The following CPAMD8 variants were observed in gnomAD, a reference collection of about 807,000 sequenced individuals.
CPAMD8 encodes the protein C3 and PZP-like alpha-2-macroglobulin domain-containing protein 8.
Under a neutral mutation model 224.7 loss-of-function variants are expected in CPAMD8, and 146 were observed. The observed-to-expected ratio is 0.65, with a 90% CI of 0.57 to 0.75. The LOEUF is 0.75. Ranked by LOEUF, CPAMD8 falls within the 30% of genes least tolerant of loss-of-function variation. The pLI, the probability that CPAMD8 is intolerant of heterozygous loss-of-function variation, is 0.00. For synonymous variants in CPAMD8, 966 were observed against 1,044.6 expected, an observed-to-expected ratio of 0.92 and a Z score of 1.45; for missense variants, 2,301 against 2,537.5, an observed-to-expected ratio of 0.91 and a Z score of 2.00.
At chr19:16,989,572 C>A in intron 13 of CPAMD8, 71 bp downstream of exon 13, 1 of 1,555,900 alleles carries the variant, frequency 6.4e-7, no homozygotes, top group South Asian at 1.2e-5. Flanking sequence ...CAGGCATGAG[C>A]CACAGCACCT....
intron 7 of CPAMD8, among the ~76,000 whole-genome samples, chr19:17,005,708 C>T (rs1284315741): frequency 6.6e-6 from 1 of 152,102 alleles, no homozygotes; most frequent in Non-Finnish European, 1.5e-5. Flanking sequence ...CTGGGTCTCA[C>T]GACAGAACCG....
intron 22 of CPAMD8, among the ~76,000 whole-genome samples, chr19:16,942,397 G>A (rs1362611227): frequency 6.6e-6 from 1 of 152,126 alleles, no homozygotes; most frequent in Non-Finnish European, 1.5e-5. Context: ...GGGAGGTGGA[G>A]GTTGCAGTGA....
intron 23 of CPAMD8, among the ~76,000 whole-genome samples, chr19:16,937,897 C>T (rs1373416158): frequency 6.6e-6 from 1 of 152,168 alleles, no homozygotes; most frequent in Non-Finnish European, 1.5e-5. Flanking sequence ...TTGTGATCCA[C>T]CCGCCTCGGC....
chr19:16,941,937 C>T (rs1179984885), intron 22 of CPAMD8, among the ~76,000 whole-genome samples: 1 of 152,164 alleles, frequency 6.6e-6, no homozygotes, highest in African/African-American at 2.4e-5. Flanking sequence ...CATGCCATTG[C>T]ACTCCAGCGT....
Position 16,901,283 on chromosome 19 carries a change from C to T in CPAMD8, c.4700G>A (p.Gly1567Glu). 1.9e-6 allele frequency: 3 copies of T among 1,611,760 alleles called. No individual in the cohort carries two copies. The highest frequency in any genetic ancestry group is 2.2e-5 in the South Asian group (2 of 90,708). Residue 1567 changes from glycine to glutamate, a missense_variant, in exon 36 of 42, where the codon GGG (glycine) becomes GAG (glutamate). This residue lies in a region of CPAMD8 where 1,709 missense variants were observed against 1,753.2 expected (regional missense o/e 0.97). Transcript: ENST00000443236. Reference sequence around the variant, plus strand: ...CTCCAGGACAGCCATATTGGAAGACCCTGCATGCAGCCACCTTCCAACAAC... The same window carrying T: ...CTCCAGGACAGCCATATTGGAAGACTCTGCATGCAGCCACCTTCCAACAAC... ...LEVCTRWLHAGSSNMAVLEVP... is the reference protein window; with the variant it reads ...LEVCTRWLHAESSNMAVLEVP...
At chr19:16,927,135 T>C (rs899150857) in intron 25 of CPAMD8, among the ~76,000 whole-genome samples, 10 of 152,092 alleles carry the variant, frequency 6.6e-5, no homozygotes, top group Admixed American at 2.0e-4. Context: ...CTGATATGGA[T>C]TGGCTGTGTC....
At chr19:16,979,390 C>CCATCCATT (rs1429226690) in intron 14 of CPAMD8, among the ~76,000 whole-genome samples, 1 of 148,428 alleles carries the variant, frequency 6.7e-6, no homozygotes, top group Non-Finnish European at 1.5e-5. Flanking sequence ...GTCCATTCAT[C>CCATCCATT]CATCCATCCA....
intron 13 of CPAMD8, among the ~76,000 whole-genome samples, chr19:16,983,199 T>A (rs1177195967): frequency 6.6e-6 from 1 of 152,094 alleles, no homozygotes; most frequent in Non-Finnish European, 1.5e-5. Flanking sequence ...GGTCAGGAGT[T>A]CAACACCAGC....
intron 18 of CPAMD8, among the ~76,000 whole-genome samples, chr19:16,966,594 C>A (rs546198610): frequency 6.6e-6 from 1 of 152,204 alleles, no homozygotes; most frequent in South Asian, 2.1e-4. Context: ...ATCTACCCAT[C>A]GGACAAAGCG....
chr19:16,958,852 T>A (rs1016471447), intron 18 of CPAMD8, among the ~76,000 whole-genome samples: 1 of 150,664 alleles, frequency 6.6e-6, no homozygotes, highest in African/African-American at 2.4e-5. Flanking sequence ...CAGGCTGGAG[T>A]GCAATGGCAC....
At chr19:16,946,781 G>T (rs2054115441) in intron 21 of CPAMD8, among the ~76,000 whole-genome samples, 1 of 152,020 alleles carries the variant, frequency 6.6e-6, no homozygotes, top group Non-Finnish European at 1.5e-5. Context: ...CTACACATGT[G>T]GGCGTGTGTG....
chr19:16,976,869 C>T (rs1315248361), intron 15 of CPAMD8, among the ~76,000 whole-genome samples: 4 of 151,870 alleles, frequency 2.6e-5, no homozygotes, highest in African/African-American at 7.3e-5. Context: ...TGGTGAAACC[C>T]CATCTCTACT....
intron 36 of CPAMD8, among the ~76,000 whole-genome samples, chr19:16,900,617 T>TAATAAC (rs573462591): frequency 1.5e-3 from 230 of 151,412 alleles, no homozygotes; most frequent in African/African-American, 4.7e-3. Flanking sequence ...ATAATAATAA[T>TAATAAC]AGTGACAGTG....
intron 29 of CPAMD8, among the ~76,000 whole-genome samples, chr19:16,912,352 T>C (rs777096808): frequency 6.6e-6 from 1 of 151,816 alleles, no homozygotes; most frequent in African/African-American, 2.4e-5. Flanking sequence ...AGAAGAGAAA[T>C]AGGTTGGAAG....
At position 16,951,666 on chromosome 19, in the gene CPAMD8, T is replaced by A. The variant is rs148078675; in HGVS notation, c.2508+303A>T. On this transcript the variant is annotated intron_variant, in intron 20 of 41. Transcript: ENST00000443236. Reference sequence around the variant, plus strand: ...GGGAGTCAGGGACAACAGCTCCACTTACACCAAGTCCCTCTCACTCACACA... The same window carrying A: ...GGGAGTCAGGGACAACAGCTCCACTAACACCAAGTCCCTCTCACTCACACA... Among the ~76,000 whole-genome samples the A allele has an allele frequency of 7.2e-5, 11 of 152,236 alleles. No homozygotes were observed. The East Asian group carries it at 1.9e-3, about 27-fold the overall frequency.
chr19:16,946,058 C>T (rs1322732319), intron 21 of CPAMD8, among the ~76,000 whole-genome samples: 1 of 151,406 alleles, frequency 6.6e-6, no homozygotes, highest in African/African-American at 2.4e-5. Context: ...TGCATTTTTC[C>T]ATGTTTGTGT....
In CPAMD8 at chr19:16,903,387, G is replaced by C. The variant is rs547403969; in HGVS notation, c.4470+174C>G. 2.0e-5 allele frequency among the ~76,000 whole-genome samples: 3 copies of C among 151,630 alleles called. No individual in the cohort carries two copies. In the South Asian group the frequency reaches 6.2e-4, roughly 31 times the overall value. ...GGTGTGGGGGTGGCACACCTGAGAG[G>C]ACCCATGGCCACCTGCCTTGGGCAG... is the stretch of plus-strand genomic sequence containing the variant. On this transcript the variant is annotated intron_variant, in intron 34 of 41. Coordinates refer to ENST00000443236, the MANE Select transcript of CPAMD8 (RefSeq NM_015692.5).
At chr19:17,009,108 G>T in intron 6 of CPAMD8, 195 bp downstream of exon 6, 2 of 763,670 alleles carry the variant, frequency 2.6e-6, no homozygotes, top group Non-Finnish European at 4.2e-6. Flanking sequence ...AAAAAAAAAA[G>T]GAAACGGACA....
chr19:16,969,846 C>A (rs1464899563), intron 18 of CPAMD8, among the ~76,000 whole-genome samples: 1 of 140,368 alleles, frequency 7.1e-6, no homozygotes, highest in Non-Finnish European at 1.5e-5. Context: ...TGCACTCCAG[C>A]CTGGGCAACA....
Sources: allele counts gnomAD v4.1 joint callset (sites outside exome capture counted in the v4.1 genomes callset), GRCh38; gene constraint gnomAD v4.1.1; regional missense constraint gnomAD v4.1.1; transcripts MANE v1.5; gene names NCBI Gene and HGNC (gene_info 2026-07-23, HGNC 2026-07-21).